The following GRIK5 variants were observed in gnomAD, a reference collection of about 807,000 sequenced individuals.
GRIK5 encodes the protein glutamate receptor ionotropic, kainate 5.
Under a neutral mutation model 97.4 loss-of-function variants are expected in GRIK5, and 43 were observed. The ratio of observed to expected loss-of-function variants is 0.44; its 90% CI spans 0.35 to 0.57. The LOEUF (loss-of-function observed/expected upper bound fraction) is 0.57, where lower values mean the gene tolerates loss of function less well. Among genes scored for constraint, GRIK5 ranks in the 20% least tolerant of loss-of-function variants. The pLI is 0.01. For synonymous variants in GRIK5, 580 were observed against 583.5 expected, an observed-to-expected ratio of 0.99 and a Z score of 0.09; for missense variants, 1,015 against 1,382.0, an observed-to-expected ratio of 0.73 and a Z score of 4.21.
intron 1 of GRIK5, among the ~76,000 whole-genome samples, chr19:42,066,179 A>AC (rs1047493380): frequency 7.3e-5 from 11 of 151,384 alleles, no homozygotes; most frequent in East Asian, 1.9e-4. Flanking sequence ...AGGAAGTGCC[A>AC]CCCCCCACCC....
At chr19:42,052,075 T>C (rs1013321321) in intron 11 of GRIK5, among the ~76,000 whole-genome samples, 2 of 152,154 alleles carry the variant, frequency 1.3e-5, no homozygotes, top group Non-Finnish European at 2.9e-5. Context: ...GCTTCTAGAA[T>C]GTAAGGGCCA....
chr19:42,035,997 T>C (rs1171304404), intron 12 of GRIK5, among the ~76,000 whole-genome samples: 1 of 152,236 alleles, frequency 6.6e-6, no homozygotes, highest in African/African-American at 2.4e-5. Flanking sequence ...ACAAATATGT[T>C]TTATAACCGG....
In GRIK5 at chr19:41,998,993, C is replaced by T; in HGVS notation, c.2821G>A (p.Ala941Thr). The T allele has an allele frequency of 8.2e-7, 1 of 1,216,214 alleles. No individual in the cohort carries two copies. Among genetic ancestry groups the T allele is most frequent in the East Asian group, 4.1e-5 (1 of 24,586 alleles). The allele number at this position is 1,216,214 out of a possible 1,614,324, so 75.3% of individuals were successfully genotyped here. Residue 941 changes from alanine (A) to threonine (T), a missense_variant, in exon 20 of 20, where the codon GCG (alanine) becomes ACG (threonine). By Grantham distance (58) the Ala-to-Thr change is moderately conservative. Around this residue, in one of 5 missense-constraint regions of GRIK5, gnomAD observed 109 missense variants for 100.4 expected, o/e 1.09. Transcript: ENST00000593562. ...RVCQECRRIQ[A>T]LRASGAGAPP... Reference sequence around the variant, plus strand: ...GCGCCGGCCCCCGAGGCCCGCAGCGCCTGGATGCGCCGGCACTCCTGGCAG... The same window carrying T: ...GCGCCGGCCCCCGAGGCCCGCAGCGTCTGGATGCGCCGGCACTCCTGGCAG...
chr19:42,067,535 G>A (rs1357739433), intron 1 of GRIK5, among the ~76,000 whole-genome samples: 1 of 152,180 alleles, frequency 6.6e-6, no homozygotes, highest in Non-Finnish European at 1.5e-5. Context: ...TGTGAAGGGC[G>A]GAGCTAGGAG....
chr19:42,057,126 G>C, intron 6 of GRIK5, 148 bp from the exon 7 acceptor site: 1 of 683,290 alleles, frequency 1.5e-6, no homozygotes, highest in Non-Finnish European at 2.6e-6. Context: ...TAAATGCTCA[G>C]AGATAGACAG....
chr19:42,017,652 G>A (rs75468234), intron 15 of GRIK5, among the ~76,000 whole-genome samples: 2,425 of 152,298 alleles, frequency 0.016, 30 homozygotes, highest in Non-Finnish European at 0.022. Flanking sequence ...GAAGCAAGAA[G>A]AGAGTTTCTA....
At chr19:42,051,412 C>T (rs1568921055) in intron 11 of GRIK5, among the ~76,000 whole-genome samples, 1 of 152,146 alleles carries the variant, frequency 6.6e-6, no homozygotes, top group Non-Finnish European at 1.5e-5. Context: ...CAGCATCCCT[C>T]ATGGGCCAAC....
rs1430959117 is a variant in GRIK5, at chr19:42,022,742, G to A, written c.1474-388C>T. On this transcript the variant is annotated intron_variant, in intron 12 of 19. Transcript: ENST00000593562. The surrounding 1 kb of genome is among the most constrained non-coding windows in gnomAD (Gnocchi z 4.2). ...CAGCACTCGAGATAATACAGGCCCG[G>A]ACAGAACACAGAGCAGGGAGAGAGG... The A allele has an allele frequency of 2.5e-6, 2 of 814,264 alleles. No homozygotes were observed. Among genetic ancestry groups the A allele is most frequent in the African/African-American group, 3.7e-5 (2 of 53,776 alleles). The allele number at this position is 814,264 out of a possible 1,614,324, so 50.4% of individuals were successfully genotyped here.
chr19:42,008,306 T>C (rs2075518393), intron 15 of GRIK5, among the ~76,000 whole-genome samples: 3 of 151,772 alleles, frequency 2.0e-5, no homozygotes, highest in South Asian at 2.1e-4. Flanking sequence ...CATGAGCCAC[T>C]GTGCCCGGCC....
Position 42,065,841 on chromosome 19 carries a change from C to A in GRIK5, c.-50-21G>T. 2.4e-6 allele frequency: 3 copies of A among 1,255,056 alleles called. No individual in the cohort carries two copies. Among genetic ancestry groups the A allele is most frequent in the Admixed American group, 2.0e-5 (1 of 50,368 alleles). The allele number at this position is 1,255,056 out of a possible 1,614,324, so 77.7% of individuals were successfully genotyped here. A position where few individuals can be genotyped will look rare whatever the true frequency, so the allele number is the denominator to read the frequency against. ...GCCACCTGCAGGGAGACCCCCCAGA[C>A]CAAGGGGAGATTACTATGTGGTGGG... On this transcript the variant is annotated intron_variant, in intron 1 of 19. Transcript: ENST00000593562. The surrounding 1 kb of genome is among the most constrained non-coding windows in gnomAD (Gnocchi z 5.8).
intron 3 of GRIK5, chr19:42,063,401 A>G (rs1044838579): frequency 4.4e-6 from 2 of 456,134 alleles, no homozygotes; most frequent in Non-Finnish European, 8.8e-6. Flanking sequence ...GCCTGTTCTC[A>G]TGGCAGAACC....
intron 15 of GRIK5, among the ~76,000 whole-genome samples, chr19:42,012,308 T>C (rs1395377056): frequency 6.6e-6 from 1 of 152,124 alleles, no homozygotes; most frequent in Non-Finnish European, 1.5e-5. Context: ...TGGAGTGCAG[T>C]GGCACGATCT....
chr19:42,042,544 A>G lies in GRIK5; in HGVS notation c.1473+8T>C, dbSNP rs754629561. ...CATGCATCTTTCCCGGCCCCAGTCCAGCCATACCCGGTTGATGAGCTCGCC... is the reference window on the plus strand; with the variant it reads ...CATGCATCTTTCCCGGCCCCAGTCCGGCCATACCCGGTTGATGAGCTCGCC... On this transcript the variant is annotated splice_region_variant and intron_variant, in intron 12 of 19. Coordinates refer to ENST00000593562, the MANE Select transcript of GRIK5 (RefSeq NM_002088.5). The surrounding 1 kb of genome is among the most constrained non-coding windows in gnomAD (Gnocchi z 6.9). 76 of 1,604,432 alleles carry G rather than the reference A, an allele frequency of 4.7e-5. No homozygotes were observed. Among genetic ancestry groups the G allele is most frequent in the Non-Finnish European group, 6.2e-5 (73 of 1,176,442 alleles).
chr19:42,028,640 G>T (rs2075801072), intron 12 of GRIK5, among the ~76,000 whole-genome samples: 1 of 152,250 alleles, frequency 6.6e-6, no homozygotes, highest in Non-Finnish European at 1.5e-5. Flanking sequence ...CTGACTTTCA[G>T]CTCCACAGAG....
chr19:42,003,274 C>T lies in GRIK5; in HGVS notation c.2514+58G>A, dbSNP rs782774984. ...ATGGCTCCCAATGCCACAATCTTCACGCACCTCAGCCCCTGGGGGTCCCTG... is the reference window on the plus strand; with the variant it reads ...ATGGCTCCCAATGCCACAATCTTCATGCACCTCAGCCCCTGGGGGTCCCTG... On this transcript the variant is annotated intron_variant, in intron 19 of 19. Coordinates refer to ENST00000593562, the MANE Select transcript of GRIK5 (RefSeq NM_002088.5). The surrounding 1 kb of genome is among the most constrained non-coding windows in gnomAD (Gnocchi z 4.2). 107 of 1,532,792 alleles carry T rather than the reference C, an allele frequency of 7.0e-5. No homozygotes were observed. The highest frequency in any genetic ancestry group is 8.8e-5 in the Non-Finnish European group (98 of 1,118,940). The allele number at this position is 1,532,792 out of a possible 1,614,324, so 94.9% of individuals were successfully genotyped here.
intron 3 of GRIK5, among the ~76,000 whole-genome samples, chr19:42,064,698 T>G (rs1359467021): frequency 1.3e-5 from 2 of 152,198 alleles, no homozygotes; most frequent in Non-Finnish European, 2.9e-5. Context: ...TAAGGCAGCA[T>G]CTCCCAAAGG....
Position 41,998,824 on chromosome 19 carries a change from C to T in GRIK5, c.*47G>A. The T allele has an allele frequency of 1.0e-6, 1 of 998,042 alleles. No homozygotes were observed. The highest frequency in any genetic ancestry group is 1.2e-6 in the Non-Finnish European group (1 of 809,668). The allele number at this position is 998,042 out of a possible 1,614,324, so 61.8% of individuals were successfully genotyped here. On this transcript the variant is annotated 3_prime_UTR_variant, in exon 20 of 20. Transcript: ENST00000593562. ...GGAGACTGCTGGGGCCTGGGGCGGGCCCCGTCCCTTCGGTCAGTCCGGGCG... is the reference window on the plus strand; with the variant it reads ...GGAGACTGCTGGGGCCTGGGGCGGGTCCCGTCCCTTCGGTCAGTCCGGGCG...
intron 12 of GRIK5, among the ~76,000 whole-genome samples, chr19:42,030,216 C>T (rs1411905446): frequency 6.6e-6 from 1 of 152,164 alleles, no homozygotes; most frequent in Non-Finnish European, 1.5e-5. Context: ...CAGAGTCTCG[C>T]TGTCGCCCAG....
intron 11 of GRIK5, among the ~76,000 whole-genome samples, chr19:42,050,430 C>T (rs552700932): frequency 4.0e-5 from 6 of 151,864 alleles, no homozygotes; most frequent in Admixed American, 1.3e-4. Context: ...GAGGCCGAGA[C>T]GGGCAGATCA....
Sources: gnomAD v4.1 joint callset for allele counts (sites outside exome capture counted in the v4.1 genomes callset) on GRCh38, gnomAD v4.1.1 for gene constraint, gnomAD v4.1.1 regional missense constraint, Gnocchi (gnomAD v3.1) non-coding constraint, MANE v1.5 for transcripts, NCBI Gene and HGNC (gene_info 2026-07-23, HGNC 2026-07-21) for gene names.